Variants in MIS18BP1 observed in about 807,000 individuals in gnomAD.
MIS18BP1 encodes mis18-binding protein 1.
MIS18BP1 carries 72 observed loss-of-function variants against 116.1 expected under a neutral mutation model. That is an observed-to-expected ratio of 0.62 (90% CI 0.51 to 0.75). The LOEUF (loss-of-function observed/expected upper bound fraction) is 0.75, where lower values mean the gene tolerates loss of function less well. Among genes scored for constraint, MIS18BP1 ranks in the 30% least tolerant of loss-of-function variants. The pLI is 0.00. For synonymous variants in MIS18BP1, 386 were observed against 427.0 expected (o/e 0.90, Z 1.18); for missense variants, 1,363 against 1,303.2 (o/e 1.05, Z -0.71).
chr14:45,207,522 G>A (rs561685451), intron 14 of MIS18BP1, among the ~76,000 whole-genome samples: 4 of 152,244 alleles, frequency 2.6e-5, no homozygotes, highest in East Asian at 3.9e-4. Context: ...ACGGTGGCAT[G>A]CGCCTGTAAT....
At chr14:45,244,734 T>A (rs1037272519) in intron 2 of MIS18BP1, among the ~76,000 whole-genome samples, 5 of 152,216 alleles carry the variant, frequency 3.3e-5, no homozygotes, top group African/African-American at 1.2e-4. Flanking sequence ...CTCTACCTCC[T>A]CAAACTTCAA....
In MIS18BP1 at chr14:45,224,331, C is replaced by T. The variant is rs1470853337; in HGVS notation, c.2256G>A (p.Lys752=). The T allele has an allele frequency of 1.2e-6, 2 of 1,613,790 alleles. No individual in the cohort carries two copies. The highest frequency in any genetic ancestry group is 2.2e-5 in the South Asian group (2 of 91,038). The part of the protein sequence containing the change: ...KKNTRLLPKL[K]KIENQVAMSF... Reference sequence around the variant, plus strand: ...ACATAGCTACCTGATTTTCTATTTTCTTCAATTTTGGTAATAGTCTGGTAT... The same window carrying T: ...ACATAGCTACCTGATTTTCTATTTTTTTCAATTTTGGTAATAGTCTGGTAT... Residue 752 remains lysine (K), a synonymous_variant, in exon 11 of 17, where the codon AAG becomes AAA. Transcript: ENST00000310806.
intron 11 of MIS18BP1, among the ~76,000 whole-genome samples, chr14:45,220,229 T>C (rs1344474550): frequency 2.0e-5 from 3 of 152,160 alleles, no homozygotes; most frequent in Non-Finnish European, 2.9e-5. Context: ...TCCTTAGTGG[T>C]TGGCACTACA....
chr14:45,241,272 C>A (rs1233696785), intron 4 of MIS18BP1, among the ~76,000 whole-genome samples: 1 of 152,160 alleles, frequency 6.6e-6, no homozygotes, highest in Non-Finnish European at 1.5e-5. Flanking sequence ...GAGTCAGAGA[C>A]CAGCTTGGCC....
chr14:45,225,533 G>A (rs1011170745), intron 10 of MIS18BP1, among the ~76,000 whole-genome samples: 1 of 152,096 alleles, frequency 6.6e-6, no homozygotes, highest in Non-Finnish European at 1.5e-5. Context: ...AGTATTATAT[G>A]AGCTGTGCTA....
chr14:45,231,950 G>A (rs1310335482), intron 7 of MIS18BP1, among the ~76,000 whole-genome samples: 3 of 152,126 alleles, frequency 2.0e-5, no homozygotes, highest in Non-Finnish European at 4.4e-5. Context: ...AAAGGAGGAA[G>A]AACTGCACAT....
Position 45,227,541 on chromosome 14 carries a change from T to C in MIS18BP1, c.1746+122A>G, listed in dbSNP as rs1891154851. ...GCCTGGGCAATAGAGGGAGACTCCA[T>C]CTCAAAAGAAAAAAAAAAAAAAAAC... On this transcript the variant is annotated intron_variant, in intron 9 of 16. Transcript: ENST00000310806. 4 of 806,980 alleles carry C rather than the reference T, an allele frequency of 5.0e-6. No individual in the cohort carries two copies. The South Asian group carries it at 5.8e-5, about 12-fold the overall frequency. 50.0% of individuals were successfully genotyped at this position (806,980 alleles called of 1,614,324 possible).
intron 1 of MIS18BP1, among the ~76,000 whole-genome samples, chr14:45,251,287 G>A (rs1372111974): frequency 1.3e-5 from 2 of 151,998 alleles, no homozygotes; most frequent in Non-Finnish European, 2.9e-5. Context: ...CCCAGAATAG[G>A]TTATAATATA....
Position 45,246,942 on chromosome 14 carries a change from A to G in MIS18BP1, c.345T>C (p.Phe115=). Residue 115 remains phenylalanine (F), a synonymous_variant, in exon 2 of 17, where the codon TTT becomes TTC. Transcript: ENST00000310806. The part of the protein sequence containing the change: ...KANYESPGKI[F]LRMKEKVLRD... ...GCAGTACTTTTTCTTTCATTCTTAG[A>G]AATATTTTTCCTGGTGATTCATAGT... The G allele has an allele frequency of 1.2e-6, 2 of 1,604,078 alleles. No homozygotes were observed.
chr14:45,233,091 C>T (rs768355544), intron 6 of MIS18BP1, among the ~76,000 whole-genome samples: 13 of 151,928 alleles, frequency 8.6e-5, no homozygotes, highest in Non-Finnish European at 1.2e-4. Context: ...ACAGGTGTAT[C>T]GATATGTCCA....
chr14:45,225,916 A>G (rs917527275), intron 10 of MIS18BP1, among the ~76,000 whole-genome samples: 2 of 152,314 alleles, frequency 1.3e-5, no homozygotes, highest in East Asian at 3.9e-4. Flanking sequence ...TGGGGAGAAA[A>G]GAAGCCTCTA....
Position 45,253,178 on chromosome 14 carries a change from T to G in MIS18BP1, c.-235A>C, listed in dbSNP as rs1891931153. ...GGCCAGGCGCCAAGCGACGCTTACCTCCTCCGCGACGTTCTCTAACACACA... is the reference window on the plus strand; with the variant it reads ...GGCCAGGCGCCAAGCGACGCTTACCGCCTCCGCGACGTTCTCTAACACACA... On this transcript the variant is annotated 5_prime_UTR_variant, in exon 1 of 17. Coordinates refer to ENST00000310806, the MANE Select transcript of MIS18BP1 (RefSeq NM_018353.5). The G allele has an allele frequency of 1.3e-5, 2 of 152,222 alleles. No homozygotes were observed. Among genetic ancestry groups the G allele is most frequent in the Non-Finnish European group, 1.5e-5 (1 of 68,070 alleles). The allele number at this position is 152,222 out of a possible 1,614,324, so 9.4% of individuals were successfully genotyped here. A position where few individuals can be genotyped will look rare whatever the true frequency, so the allele number is the denominator to read the frequency against.
At position 45,204,396 on chromosome 14, in the gene MIS18BP1, T is replaced by TA; in HGVS notation, c.3295+2dup. On this transcript the variant is annotated splice_region_variant and intron_variant, in intron 16 of 16. Transcript: ENST00000310806. ...CCACAAAAGAAAGCTGTAAGTGTAT[T>TA]ACCTGTGTTAAATGGGGTTTTCCTT... 1 of 1,605,304 alleles carries TA rather than the reference T, an allele frequency of 6.2e-7. No individual in the cohort carries two copies. The highest frequency in any genetic ancestry group is 8.5e-7 in the Non-Finnish European group (1 of 1,176,596).
At chr14:45,249,448 T>A (rs577206969) in intron 1 of MIS18BP1, among the ~76,000 whole-genome samples, 1 of 152,306 alleles carries the variant, frequency 6.6e-6, no homozygotes, top group Admixed American at 6.5e-5. Flanking sequence ...CTCAAACTCC[T>A]GGGCTCAAGT....
intron 1 of MIS18BP1, among the ~76,000 whole-genome samples, chr14:45,250,718 C>T (rs1392300603): frequency 6.6e-6 from 1 of 152,104 alleles, no homozygotes; most frequent in East Asian, 1.9e-4. Context: ...ATGGGAAAAC[C>T]ATTGGATGAA....
Position 45,203,998 on chromosome 14 carries a change from C to G in MIS18BP1, c.*111G>C. 7.0e-7 allele frequency: 1 copy of G among 1,438,728 alleles called. No homozygotes were observed. Among genetic ancestry groups the G allele is most frequent in the Non-Finnish European group, 9.2e-7 (1 of 1,086,586 alleles). The allele number at this position is 1,438,728 out of a possible 1,614,324, so 89.1% of individuals were successfully genotyped here. A position where few individuals can be genotyped will look rare whatever the true frequency, so the allele number is the denominator to read the frequency against. ...AACATATGAAACCTTCAAAAAAGTC[C>G]ACATTTTCATAGGAAGCTACTTTAC... On this transcript the variant is annotated 3_prime_UTR_variant, in exon 17 of 17. Coordinates refer to ENST00000310806, the MANE Select transcript of MIS18BP1 (RefSeq NM_018353.5).
chr14:45,248,055 GTTTTTTT>G (rs3036381), intron 1 of MIS18BP1, among the ~76,000 whole-genome samples: 1 of 109,240 alleles, frequency 9.2e-6, no homozygotes, highest in African/African-American at 3.4e-5. Context: ...TGTTTCTTTC[GTTTTTTT>G]TTTTTTTTTT....
rs531067438 is a variant in MIS18BP1, at chr14:45,210,134, C to A, written c.3152+246G>T. ...AGTTTTTTTTTTTTAAAGTTTTTTA[C>A]AAGTAAAACCTTGATCCATTTCGAA... On this transcript the variant is annotated intron_variant, in intron 14 of 16. Transcript: ENST00000310806. 123 of 279,420 alleles carry A rather than the reference C, an allele frequency of 4.4e-4. 1 individual carries two copies. Among genetic ancestry groups the A allele is most frequent in the African/African-American group, 2.2e-3 (97 of 45,034 alleles). 17.3% of individuals were successfully genotyped at this position (279,420 alleles called of 1,614,324 possible).
At chr14:45,252,469 T>TAA (rs1197637707) in intron 1 of MIS18BP1, among the ~76,000 whole-genome samples, 1 of 152,222 alleles carries the variant, frequency 6.6e-6, no homozygotes, top group Non-Finnish European at 1.5e-5. Flanking sequence ...AACCAAATTG[T>TAA]AAACAGTGTT....
Sources: allele counts gnomAD v4.1 joint callset (sites outside exome capture counted in the v4.1 genomes callset), GRCh38; gene constraint gnomAD v4.1.1; transcripts MANE v1.5; gene names NCBI Gene and HGNC (gene_info 2026-07-23, HGNC 2026-07-21).